CCDC33: variants seen among roughly 807,000 people sequenced by gnomAD.
The protein encoded by CCDC33 is coiled-coil domain-containing protein 33.
In CCDC33, 94 loss-of-function variants were observed where a neutral mutation model predicts 91.9. The ratio of observed to expected loss-of-function variants is 1.02; its 90% CI spans 0.87 to 1.21. The LOEUF is 1.21. CCDC33 is among the 50% of genes most tolerant of loss of function. The pLI is 0.00. For missense variants in CCDC33, 940 were observed against 935.5 expected, an observed-to-expected ratio of 1.00 and a Z score of -0.06; for synonymous variants, 396 against 374.5, an observed-to-expected ratio of 1.06 and a Z score of -0.66.
At chr15:74,230,341 A>G (rs1189738440) in intron 2 of CCDC33, among the ~76,000 whole-genome samples, 1 of 152,142 alleles carries the variant, frequency 6.6e-6, no homozygotes, top group Non-Finnish European at 1.5e-5. Context: ...CCCCCACCCA[A>G]CCTTGGCAGA....
intron 2 of CCDC33, among the ~76,000 whole-genome samples, chr15:74,225,593 C>T (rs1489963343): frequency 6.6e-6 from 1 of 152,016 alleles, no homozygotes; most frequent in South Asian, 2.1e-4. Context: ...GCCTGGGAAG[C>T]GCACATCCTC....
chr15:74,228,285 C>A (rs1322502531), intron 2 of CCDC33, among the ~76,000 whole-genome samples: 1 of 152,194 alleles, frequency 6.6e-6, no homozygotes, highest in Non-Finnish European at 1.5e-5. Context: ...TTCTCTGCCC[C>A]CTCCAGCTGT....
At chr15:74,262,356 A>C in intron 2 of CCDC33, 84 bp from the exon 3 acceptor site, 22 of 1,558,454 alleles carry the variant, frequency 1.4e-5, no homozygotes, top group Non-Finnish European at 1.8e-5. Context: ...TTTCACTCAG[A>C]TTTATGGACA....
intron 11 of CCDC33, among the ~76,000 whole-genome samples, chr15:74,309,790 C>T (rs2059957854): frequency 6.6e-6 from 1 of 152,142 alleles, no homozygotes; most frequent in Non-Finnish European, 1.5e-5. Flanking sequence ...GTTCCAGACC[C>T]CCCAAGTCCT....
chr15:74,336,220 G>C, downstream of CCDC33: 1 of 1,432,120 alleles, frequency 7.0e-7, no homozygotes, highest in Non-Finnish European at 9.1e-7. Flanking sequence ...GCCTGGGCCT[G>C]GGTCTTCTGC....
At chr15:74,247,080 G>A (rs2075554228) in intron 2 of CCDC33, among the ~76,000 whole-genome samples, 1 of 152,102 alleles carries the variant, frequency 6.6e-6, no homozygotes, top group Admixed American at 6.5e-5. Flanking sequence ...GGGAGGCAGA[G>A]GTTGCAGTGA....
downstream of CCDC33, chr15:74,336,239 T>G: frequency 7.1e-7 from 1 of 1,416,302 alleles, no homozygotes; most frequent in Non-Finnish European, 9.2e-7. Context: ...GCTGCAGCCT[T>G]ACAGCCTCCC....
In CCDC33 at chr15:74,280,045, T is replaced by C. The variant is rs2142490776; in HGVS notation, c.842T>C (p.Phe281Ser). Reference sequence around the variant, plus strand: ...CAAGGCCGAGATGGAGCTACCAGCTTCTCAGAAGACACAGCCCTGGTGCTG... The same window carrying C: ...CAAGGCCGAGATGGAGCTACCAGCTCCTCAGAAGACACAGCCCTGGTGCTG... The part of the protein sequence containing the change: ...LFQGRDGATS[F>S]SEDTALVLEY... The change falls in exon 8 of 19, where the codon TTC (phenylalanine) becomes TCC (serine). Residue 281 changes from phenylalanine to serine, a missense_variant. Coordinates refer to ENST00000398814, the MANE Select transcript of CCDC33 (RefSeq NM_025055.5). 6.2e-7 allele frequency: 1 copy of C among 1,614,144 alleles called. No homozygotes were observed. The highest frequency in any genetic ancestry group is 2.2e-5 in the East Asian group (1 of 44,876).
intron 3 of CCDC33, 38 bp downstream of exon 3, chr15:74,262,611 G>T: frequency 1.3e-6 from 2 of 1,592,622 alleles, no homozygotes; most frequent in South Asian, 1.1e-5. Context: ...TGTGCAGGCA[G>T]GGTGTGAACA....
chr15:74,309,539 T>A (rs2059952745), intron 11 of CCDC33, among the ~76,000 whole-genome samples: 2 of 152,174 alleles, frequency 1.3e-5, no homozygotes, highest in Non-Finnish European at 2.9e-5. Context: ...TGCTAGCCCT[T>A]ATCCCCAGGC....
chr15:74,249,236 C>T (rs1344749157), intron 2 of CCDC33, among the ~76,000 whole-genome samples: 1 of 152,120 alleles, frequency 6.6e-6, no homozygotes, highest in Non-Finnish European at 1.5e-5. Context: ...CCTGTAATCC[C>T]AGCACTTTGG....
intron 11 of CCDC33, among the ~76,000 whole-genome samples, chr15:74,328,264 G>A (rs1368221474): frequency 6.6e-6 from 1 of 152,226 alleles, no homozygotes; most frequent in African/African-American, 2.4e-5. Context: ...AGAGGAAGGG[G>A]TCTGACCTGT....
chr15:74,275,946 G>A (rs761830182), intron 7 of CCDC33, among the ~76,000 whole-genome samples: 4 of 152,184 alleles, frequency 2.6e-5, no homozygotes, highest in Non-Finnish European at 5.9e-5. Context: ...TGGAATTACA[G>A]GCCTGAGGCA....
intron 6 of CCDC33, 69 bp downstream of exon 6, chr15:74,271,863 C>A: frequency 7.5e-7 from 1 of 1,334,804 alleles, no homozygotes; most frequent in South Asian, 1.2e-5. Context: ...GTGAGGCTGT[C>A]ATTGCTGCCA....
intron 2 of CCDC33, among the ~76,000 whole-genome samples, chr15:74,222,664 G>T (rs2074641547): frequency 6.6e-6 from 1 of 151,828 alleles, no homozygotes; most frequent in Non-Finnish European, 1.5e-5. Flanking sequence ...TTCTGATTGT[G>T]AATTTGGCAC....
At position 74,271,804 on chromosome 15, in the gene CCDC33, G is replaced by T. The variant is rs758909678; in HGVS notation, c.638+10G>T. 5.6e-6 allele frequency: 9 copies of T among 1,611,500 alleles called. No individual in the cohort carries two copies. In the South Asian group the frequency reaches 9.9e-5, roughly 18 times the overall value. ...ACTACAAGGAATTTAAGTGAGTGGG[G>T]CCCAGGTGGACCTGGGTGAGGAGGG... On this transcript the variant is annotated intron_variant, in intron 6 of 18. Transcript: ENST00000398814.
rs1188767186 is a variant in CCDC33 at position 74,332,580 on chromosome 15, G to A, written c.1772-99G>A. 5.5e-6 allele frequency: 7 copies of A among 1,280,266 alleles called. No homozygotes were observed. The African/African-American group carries it at 7.4e-5, about 13-fold the overall frequency. 79.3% of individuals were successfully genotyped at this position (1,280,266 alleles called of 1,614,324 possible). Reference sequence around the variant, plus strand: ...CCATTGAAGGCTTGGGAGTAGAGGGGAGGGGTGGCAGATTGAAGCAAAATG... The same window carrying A: ...CCATTGAAGGCTTGGGAGTAGAGGGAAGGGGTGGCAGATTGAAGCAAAATG... On this transcript the variant is annotated intron_variant, in intron 15 of 18. Coordinates refer to ENST00000398814, the MANE Select transcript of CCDC33 (RefSeq NM_025055.5).
At chr15:74,259,643 C>T (rs181264459) in intron 2 of CCDC33, among the ~76,000 whole-genome samples, 1 of 152,298 alleles carries the variant, frequency 6.6e-6, no homozygotes, top group East Asian at 1.9e-4. Flanking sequence ...TCTTTCTCTG[C>T]TGGAGGAAAG....
At chr15:74,253,541 C>T (rs1595949481) in intron 2 of CCDC33, among the ~76,000 whole-genome samples, 1 of 152,192 alleles carries the variant, frequency 6.6e-6, no homozygotes, top group Admixed American at 6.5e-5. Flanking sequence ...TCCCCCCCTC[C>T]TTCTCTGAGG....
Sources: gnomAD v4.1 joint callset for allele counts (sites outside exome capture counted in the v4.1 genomes callset) on GRCh38, gnomAD v4.1.1 for gene constraint, MANE v1.5 for transcripts, NCBI Gene and HGNC (gene_info 2026-07-23, HGNC 2026-07-21) for gene names.